The following SPNS3 variants were observed in gnomAD, a reference collection of about 807,000 sequenced individuals.
SPNS3 encodes SPNS lysolipid transporter 3, sphingosine-1-phosphate (putative), also known as protein spinster homolog 3.
A neutral mutation model predicts 54.4 loss-of-function variants in SPNS3; 51 were observed. The observed-to-expected ratio is 0.94, with a 90% CI of 0.75 to 1.18. The LOEUF (loss-of-function observed/expected upper bound fraction) is 1.18, where lower values mean the gene tolerates loss of function less well. Among genes scored for constraint, SPNS3 ranks in the 50% most tolerant of loss-of-function variants. The probability of loss-of-function intolerance (pLI) is 0.00; values close to 1 mark genes in which losing one functional copy is unlikely to be tolerated. For missense variants in SPNS3, 669 were observed against 677.4 expected (o/e 0.99, Z 0.14); for synonymous variants, 309 against 294.7 (o/e 1.05, Z -0.50).
At chr17:4,474,461 T>G (rs940329259) in intron 8 of SPNS3, among the ~76,000 whole-genome samples, 6 of 152,016 alleles carry the variant, frequency 3.9e-5, no homozygotes, top group African/African-American at 1.5e-4. Flanking sequence ...GATACTGGCC[T>G]TCTCCCTTCT....
intron 8 of SPNS3, among the ~76,000 whole-genome samples, chr17:4,457,674 C>T (rs535619688): frequency 7.1e-4 from 108 of 152,306 alleles, no homozygotes; most frequent in Non-Finnish European, 1.2e-3. Context: ...CCTGCCAGCC[C>T]TGCTTCTGCC....
chr17:4,488,132 G>T lies in SPNS3; in HGVS notation c.*238G>T. 1 of 563,928 alleles carries T rather than the reference G, an allele frequency of 1.8e-6. No homozygotes were observed. The highest frequency in any genetic ancestry group is 3.0e-5 in the East Asian group (1 of 33,764). The allele number at this position is 563,928 out of a possible 1,614,324, so 34.9% of individuals were successfully genotyped here. A position where few individuals can be genotyped will look rare whatever the true frequency, so the allele number is the denominator to read the frequency against. On this transcript the variant is annotated 3_prime_UTR_variant, in exon 12 of 12. Coordinates refer to ENST00000355530, the MANE Select transcript of SPNS3 (RefSeq NM_182538.5). ...CCGCTCAAGGCTGCCCCAGCCTGGG[G>T]TCTCCAGCCTGGCTGCTGCTGGGCC...
intron 6 of SPNS3, among the ~76,000 whole-genome samples, chr17:4,449,019 C>G (rs995307659): frequency 3.9e-5 from 6 of 152,088 alleles, no homozygotes; most frequent in African/African-American, 7.2e-5. Flanking sequence ...CAGGAAGGAT[C>G]TGGAGGCTGG....
chr17:4,487,841 C>G lies in SPNS3; in HGVS notation c.1486C>G (p.Leu496Val). The G allele has an allele frequency of 3.1e-6, 5 of 1,614,156 alleles. No individual in the cohort carries two copies. Among genetic ancestry groups the G allele is most frequent in the Non-Finnish European group, 3.4e-6 (4 of 1,179,944 alleles). The part of the protein sequence containing the change: ...PDSNDVDSND[L>V]ERQGLLSGAG... ...CAGCAATGATGTGGACAGCAACGACCTGGAGAGACAAGGCCTACTTTCGGG... is the reference window on the plus strand; with the variant it reads ...CAGCAATGATGTGGACAGCAACGACGTGGAGAGACAAGGCCTACTTTCGGG... The change falls in exon 12 of 12, where the codon CTG (leucine) becomes GTG (valine). Residue 496 changes from leucine to valine, a missense_variant. Transcript: ENST00000355530.
rs745624054 is a variant in SPNS3, at chr17:4,446,022, C to T, written c.403-26C>T. 16 of 1,580,860 alleles carry T rather than the reference C, an allele frequency of 1.0e-5. No homozygotes were observed. In the African/African-American group the frequency reaches 2.2e-4, roughly 21 times the overall value. On this transcript the variant is annotated intron_variant, in intron 3 of 11. Coordinates refer to ENST00000355530, the MANE Select transcript of SPNS3 (RefSeq NM_182538.5). ...CCCTATGGGTGATTTCTGGAACTCA[C>T]CGTGGTCTTGTGCCTGCTCGCCCAG...
chr17:4,446,948 C>G lies in SPNS3; in HGVS notation c.607C>G (p.Arg203Gly), dbSNP rs755397377. 1 of 1,614,108 alleles carries G rather than the reference C, an allele frequency of 6.2e-7. No homozygotes were observed. ...SAVTMLTGNW[R>G]WALRVMPCLE... ...TGTGACGATGCTGACTGGGAACTGG[C>G]GCTGGGCCCTCCGAGTGAGTCCAGC... is the stretch of plus-strand genomic sequence containing the variant. Residue 203 changes from arginine (R) to glycine (G), a missense_variant, in exon 5 of 12, where the codon CGC becomes GGC. Arg to Gly is a moderately radical substitution (Grantham distance 125). Coordinates refer to ENST00000355530, the MANE Select transcript of SPNS3 (RefSeq NM_182538.5).
chr17:4,467,595 A>G (rs1471419937), intron 8 of SPNS3, among the ~76,000 whole-genome samples: 1 of 152,182 alleles, frequency 6.6e-6, no homozygotes, highest in Non-Finnish European at 1.5e-5. Flanking sequence ...CAAAAGTGGA[A>G]GTTGCAAAGT....
chr17:4,438,225 C>A (rs1362131418), intron 1 of SPNS3, among the ~76,000 whole-genome samples: 1 of 152,210 alleles, frequency 6.6e-6, no homozygotes, highest in Non-Finnish European at 1.5e-5. Flanking sequence ...TGCTCCCCTT[C>A]TGTGGTTCTG....
In SPNS3 at chr17:4,444,989, C is replaced by T. The variant is rs376742187; in HGVS notation, c.266-43C>T. ...GCCTGCTGGGCCATCTGCCCTGCCA[C>T]GGTCGTGGGGGGATCCAGGCTGCCC... is the stretch of plus-strand genomic sequence containing the variant. On this transcript the variant is annotated intron_variant, in intron 2 of 11. Coordinates refer to ENST00000355530, the MANE Select transcript of SPNS3 (RefSeq NM_182538.5). 5.9e-5 allele frequency: 94 copies of T among 1,580,480 alleles called. No homozygotes were observed. The African/African-American group carries it at 7.7e-4, about 13-fold the overall frequency.
chr17:4,486,006 G>A lies in SPNS3; in HGVS notation c.1180-222G>A, dbSNP rs2144251861. The A allele has an allele frequency of 2.1e-6, 1 of 469,542 alleles. No homozygotes were observed. Among genetic ancestry groups the A allele is most frequent in the Non-Finnish European group, 3.7e-6 (1 of 268,626 alleles). 29.1% of individuals were successfully genotyped at this position (469,542 alleles called of 1,614,324 possible). A position where few individuals can be genotyped will look rare whatever the true frequency, so the allele number is the denominator to read the frequency against. ...TCTCAAGAGGGGTGGCCCTGATCAG[G>A]GGCCTTGGCACCCCCATCCTGGGGC... On this transcript the variant is annotated intron_variant, in intron 9 of 11. Transcript: ENST00000355530. The surrounding 1 kb of genome is among the most constrained non-coding windows in gnomAD (Gnocchi z 5.5).
At chr17:4,478,739 T>C (rs1006716213) in intron 9 of SPNS3, 102 bp downstream of exon 9, 22 of 1,177,394 alleles carry the variant, frequency 1.9e-5, no homozygotes, top group African/African-American at 7.6e-5. Context: ...TCAGAGACCA[T>C]ACATTAGGGG....
intron 8 of SPNS3, among the ~76,000 whole-genome samples, chr17:4,468,915 A>T (rs554800186): frequency 2.0e-5 from 3 of 150,736 alleles, no homozygotes; most frequent in South Asian, 2.1e-4. Context: ...CAGCCTCCCG[A>T]GTAGCTGGGA....
intron 2 of SPNS3, among the ~76,000 whole-genome samples, chr17:4,441,022 A>G (rs981439545): frequency 1.3e-5 from 2 of 152,198 alleles, no homozygotes; most frequent in African/African-American, 4.8e-5. Flanking sequence ...GACAGGCATT[A>G]TTACTTAGAT....
intron 8 of SPNS3, among the ~76,000 whole-genome samples, chr17:4,474,005 C>T (rs1236834917): frequency 3.3e-5 from 5 of 152,182 alleles, no homozygotes; most frequent in Admixed American, 3.3e-4. Flanking sequence ...CTGGACAAAC[C>T]AGGCCCCACC....
At chr17:4,464,364 C>T (rs1971621982) in intron 8 of SPNS3, among the ~76,000 whole-genome samples, 1 of 152,200 alleles carries the variant, frequency 6.6e-6, no homozygotes, top group East Asian at 1.9e-4. Context: ...AGAGGAGGGA[C>T]TGCACCCAAA....
Position 4,462,802 on chromosome 17 carries a change from CACCAATCT to C in SPNS3, c.1113+9599_1113+9606del, listed in dbSNP as rs1393973678. ...CCATCCATCCATCCATCCATCCATC[CACCAATCT>C]ATCCATCCATCCATCCATCCATCCA... On this transcript the variant is annotated intron_variant, in intron 8 of 11. Coordinates refer to ENST00000355530, the MANE Select transcript of SPNS3 (RefSeq NM_182538.5). Among the ~76,000 whole-genome samples, 182 of 129,454 alleles carry C rather than the reference CACCAATCT, an allele frequency of 1.4e-3. 10 individuals are homozygous for C. Among genetic ancestry groups the C allele is most frequent in the African/African-American group, 6.5e-3 (174 of 26,726 alleles). 84.9% of individuals were successfully genotyped at this position (129,454 alleles called of 152,430 possible). A position where few individuals can be genotyped will look rare whatever the true frequency, so the allele number is the denominator to read the frequency against.
intron 8 of SPNS3, among the ~76,000 whole-genome samples, chr17:4,462,724 C>T (rs112397388): frequency 2.1e-4 from 3 of 14,598 alleles, no homozygotes; most frequent in African/African-American, 1.0e-3. Context: ...CATCCACCCA[C>T]CCACCCATCC....
At chr17:4,448,449 C>T in intron 6 of SPNS3, 146 bp downstream of exon 6, 1 of 752,434 alleles carries the variant, frequency 1.3e-6, no homozygotes, top group Non-Finnish European at 2.0e-6. Flanking sequence ...ATCGCACTTA[C>T]CAACTGAAGT....
Position 4,459,666 on chromosome 17 carries a change from T to C in SPNS3, c.1113+6461T>C, listed in dbSNP as rs150245321. On this transcript the variant is annotated intron_variant, in intron 8 of 11. Coordinates refer to ENST00000355530, the MANE Select transcript of SPNS3 (RefSeq NM_182538.5). ...AGGTGGAGGTTGCGGTGAGCTGAGA[T>C]TGCGCCATTGCACTCCAGCCTGGGC... Among the ~76,000 whole-genome samples the C allele has an allele frequency of 6.9e-3, 1,055 of 152,130 alleles. 81 individuals carry two copies. The East Asian group carries it at 0.17, about 24-fold the overall frequency.
Sources: gnomAD v4.1 joint callset for allele counts (sites outside exome capture counted in the v4.1 genomes callset) on GRCh38, gnomAD v4.1.1 for gene constraint, Gnocchi (gnomAD v3.1) non-coding constraint, MANE v1.5 for transcripts, NCBI Gene and HGNC (gene_info 2026-07-23, HGNC 2026-07-21) for gene names.